The following INTS14 variants were observed in gnomAD, a reference collection of about 807,000 sequenced individuals.
The protein encoded by INTS14 is UPF0464 protein C15orf44.
Under a neutral mutation model 56.9 loss-of-function variants are expected in INTS14, and 27 were observed. That is an observed-to-expected ratio of 0.47 (90% CI 0.35 to 0.65). The LOEUF (loss-of-function observed/expected upper bound fraction) is 0.65. Among genes scored for constraint, INTS14 ranks in the 30% least tolerant of loss-of-function variants. The pLI, the probability that INTS14 is intolerant of heterozygous loss-of-function variation, is 0.00. For missense variants in INTS14, 517 were observed against 632.2 expected (o/e 0.82, Z 1.95); for synonymous variants, 207 against 236.2 (o/e 0.88, Z 1.13).
intron 9 of INTS14, among the ~76,000 whole-genome samples, chr15:65,585,176 AAT>A (rs138777134): frequency 9.3e-5 from 14 of 150,764 alleles, no homozygotes; most frequent in Middle Eastern, 3.4e-3. Flanking sequence ...ATATTTAAAA[AAT>A]ATATATATAT....
rs200163620 is a variant in INTS14, at chr15:65,588,671, T to TA, written c.1120+2926dup. Among the ~76,000 whole-genome samples the TA allele has an allele frequency of 2.4e-3, 341 of 140,986 alleles. 1 individual carries two copies. Among genetic ancestry groups the TA allele is most frequent in the African/African-American group, 7.3e-3 (284 of 38,732 alleles). 92.5% of individuals were successfully genotyped at this position (140,986 alleles called of 152,430 possible). On this transcript the variant is annotated intron_variant, in intron 9 of 11. Coordinates refer to ENST00000313182, the MANE Select transcript of INTS14 (RefSeq NM_001394796.1). ...CGATGGAGTGAGACTCTGTCTCAAT[T>TA]AAAAAAAAAAAAAGAAATATAAATA... is the stretch of plus-strand genomic sequence containing the variant.
chr15:65,609,112 G>T (rs1305416857), intron 1 of INTS14, among the ~76,000 whole-genome samples: 3 of 152,146 alleles, frequency 2.0e-5, no homozygotes, highest in Admixed American at 6.6e-5. Context: ...TAGAGATGGG[G>T]TTTCACCACA....
chr15:65,609,439 A>G (rs1264600547), intron 1 of INTS14, among the ~76,000 whole-genome samples: 5 of 152,004 alleles, frequency 3.3e-5, no homozygotes, highest in Non-Finnish European at 7.4e-5. Flanking sequence ...TATTGGTTCA[A>G]CTACACTATA....
At chr15:65,608,312 G>A (rs375050843) in intron 1 of INTS14, among the ~76,000 whole-genome samples, 126 of 146,958 alleles carry the variant, frequency 8.6e-4, no homozygotes, top group African/African-American at 3.0e-3. Context: ...AGCCGAGATC[G>A]TGCCACTGCA....
intron 11 of INTS14, among the ~76,000 whole-genome samples, chr15:65,580,827 C>T (rs966593706): frequency 1.3e-5 from 2 of 152,220 alleles, no homozygotes; most frequent in African/African-American, 2.4e-5. Flanking sequence ...CTACCCCACC[C>T]CCTGTAACTT....
intron 1 of INTS14, among the ~76,000 whole-genome samples, chr15:65,609,628 A>C (rs2073795443): frequency 6.6e-6 from 1 of 152,156 alleles, no homozygotes; most frequent in South Asian, 2.1e-4. Context: ...ATACATTATA[A>C]ATGTTAACTC....
At chr15:65,581,398 A>C (rs1325056775) in intron 11 of INTS14, among the ~76,000 whole-genome samples, 3 of 140,260 alleles carry the variant, frequency 2.1e-5, no homozygotes, top group Non-Finnish European at 4.7e-5. Context: ...AAAAACAAAA[A>C]TTAGCTGGGC....
chr15:65,610,681 C>T, intron 1 of INTS14: 1 of 1,535,716 alleles, frequency 6.5e-7, no homozygotes, highest in Non-Finnish European at 8.7e-7. Flanking sequence ...TTTCTAGTGC[C>T]TCACCTGCTC....
At chr15:65,600,060 T>A in intron 3 of INTS14, 131 bp from the exon 4 acceptor site, 2 of 1,024,594 alleles carry the variant, frequency 2.0e-6, no homozygotes, top group Non-Finnish European at 2.8e-6. Flanking sequence ...GTAATCCCAG[T>A]GCTTTGGGAG....
chr15:65,579,300 C>G lies in INTS14; in HGVS notation c.*108G>C, dbSNP rs1371402347. On this transcript the variant is annotated 3_prime_UTR_variant, in exon 12 of 12. Transcript: ENST00000313182. ...GCAAGTGGTGCTTCTGAGGCAGCCT[C>G]AGGAAGGTCTTTGGGTGGCTATTCT... is the stretch of plus-strand genomic sequence containing the variant. 1.4e-6 allele frequency: 2 copies of G among 1,468,420 alleles called. No individual in the cohort carries two copies. The highest frequency in any genetic ancestry group is 1.8e-6 in the Non-Finnish European group (2 of 1,090,862). 91.0% of individuals were successfully genotyped at this position (1,468,420 alleles called of 1,614,324 possible). A position where few individuals can be genotyped will look rare whatever the true frequency, so the allele number is the denominator to read the frequency against.
At chr15:65,587,995 A>G (rs959181582) in intron 9 of INTS14, among the ~76,000 whole-genome samples, 3 of 152,084 alleles carry the variant, frequency 2.0e-5, no homozygotes, top group African/African-American at 4.8e-5. Flanking sequence ...ATAAAAAATA[A>G]TAAGACGGGA....
chr15:65,581,916 C>G lies in INTS14; in HGVS notation c.1305+38G>C, dbSNP rs1029614076. On this transcript the variant is annotated intron_variant, in intron 11 of 11. Coordinates refer to ENST00000313182, the MANE Select transcript of INTS14 (RefSeq NM_001394796.1). ...CATCTCACAGTTTTACTGTCGTGAACCATATATTTTGGGCACATCCTCTTC... is the reference window on the plus strand; with the variant it reads ...CATCTCACAGTTTTACTGTCGTGAAGCATATATTTTGGGCACATCCTCTTC... The G allele has an allele frequency of 6.2e-6, 10 of 1,600,102 alleles. No homozygotes were observed. In the Admixed American group the frequency reaches 8.5e-5, roughly 14 times the overall value.
chr15:65,604,178 G>C (rs933945400), intron 3 of INTS14, among the ~76,000 whole-genome samples: 4 of 152,130 alleles, frequency 2.6e-5, no homozygotes, highest in Non-Finnish European at 5.9e-5. Flanking sequence ...TGCCTCCCAC[G>C]TTCAAGTGAT....
chr15:65,582,517 CAGG>C (rs1404748075), intron 10 of INTS14, among the ~76,000 whole-genome samples: 1 of 152,202 alleles, frequency 6.6e-6, no homozygotes, highest in Non-Finnish European at 1.5e-5. Context: ...CCTAGCTACT[CAGG>C]AGGATTGCTT....
At position 65,584,806 on chromosome 15, in the gene INTS14, C is replaced by T; in HGVS notation, c.1203G>A (p.Gln401=). 6.2e-7 allele frequency: 1 copy of T among 1,613,382 alleles called. No homozygotes were observed. The change falls in exon 10 of 12, where the codon CAG becomes CAA. Residue 401 remains glutamine, a synonymous_variant. Transcript: ENST00000313182. ...TGGGTTTGATCCAGACAGTCACATT[C>T]TGGGCATAACTGCGTTTGTTTTTGG... ...LQPKNKRSYA[Q]NVTVWIKPSG...
At position 65,584,819 on chromosome 15, in the gene INTS14, C is replaced by T. The variant is rs776595935; in HGVS notation, c.1190G>A (p.Arg397His). The T allele has an allele frequency of 3.7e-6, 6 of 1,613,338 alleles. No individual in the cohort carries two copies. Among genetic ancestry groups the T allele is most frequent in the Non-Finnish European group, 5.1e-6 (6 of 1,179,692 alleles). ...GACAGTCACATTCTGGGCATAACTG[C>T]GTTTGTTTTTGGGCTGCAGGGGGAA... ...SPFPLQPKNK[R>H]SYAQNVTVWI... The change falls in exon 10 of 12, where the codon CGC becomes CAC. Residue 397 changes from arginine (R) to histidine (H), a missense_variant. Transcript: ENST00000313182.
At chr15:65,600,748 T>C (rs1479939867) in intron 3 of INTS14, among the ~76,000 whole-genome samples, 1 of 152,164 alleles carries the variant, frequency 6.6e-6, no homozygotes, top group East Asian at 1.9e-4. Context: ...TATATCTTAA[T>C]TGTAGTAGTG....
chr15:65,586,019 C>T (rs2072806888), intron 9 of INTS14, among the ~76,000 whole-genome samples: 1 of 152,146 alleles, frequency 6.6e-6, no homozygotes, highest in Non-Finnish European at 1.5e-5. Context: ...TCATTTCCAA[C>T]TTTCCTGCTA....
chr15:65,579,443 T>C lies in INTS14; in HGVS notation c.1522A>G (p.Thr508Ala). 6.2e-7 allele frequency: 1 copy of C among 1,613,502 alleles called. No homozygotes were observed. The highest frequency in any genetic ancestry group is 8.5e-7 in the Non-Finnish European group (1 of 1,179,420). Residue 508 changes from threonine to alanine, a missense_variant, in exon 12 of 12, where the codon ACG (threonine) becomes GCG (alanine). Transcript: ENST00000313182. ...AYDQNITPLHTDFSGSSTERI is the reference protein window; with the variant it reads ...AYDQNITPLHADFSGSSTERI ...TCAGTGCTGCTCCCAGAGAAGTCCG[T>C]GTGCAAAGGTGTGATGTTCTGGTCA...
Sources: allele counts gnomAD v4.1 joint callset (sites outside exome capture counted in the v4.1 genomes callset), GRCh38; gene constraint gnomAD v4.1.1; transcripts MANE v1.5; gene names NCBI Gene and HGNC (gene_info 2026-07-23, HGNC 2026-07-21).